ZNF521: variants seen among roughly 807,000 people sequenced by gnomAD.
ZNF521 encodes zinc finger protein 521, also known as LYST-interacting protein 3.
ZNF521 carries 14 observed loss-of-function variants against 105.5 expected under a neutral mutation model. That is an observed-to-expected ratio of 0.13 (90% CI 0.09 to 0.21). ZNF521 has a LOEUF of 0.21. Ranked by LOEUF, ZNF521 falls within the 10% of genes least tolerant of loss-of-function variation. The pLI, the probability that ZNF521 is intolerant of heterozygous loss-of-function variation, is 1.00. For synonymous variants in ZNF521, 635 were observed against 606.0 expected (o/e 1.05, Z -0.70); for missense variants, 1,233 against 1,629.7 (o/e 0.76, Z 4.19).
chr18:25,214,563 T>C (rs2036247855), intron 4 of ZNF521, among the ~76,000 whole-genome samples: 1 of 152,228 alleles, frequency 6.6e-6, no homozygotes, highest in Non-Finnish European at 1.5e-5. Flanking sequence ...TGCATTTAGT[T>C]ATATCTCGAA....
chr18:25,212,482 C>A (rs2036198572), intron 4 of ZNF521, among the ~76,000 whole-genome samples: 1 of 116,882 alleles, frequency 8.6e-6, no homozygotes, highest in Non-Finnish European at 1.6e-5. Flanking sequence ...TTCACTCCAG[C>A]CTGGGCAAAA....
chr18:25,171,250 C>G (rs2035444260), intron 5 of ZNF521, among the ~76,000 whole-genome samples: 1 of 152,160 alleles, frequency 6.6e-6, no homozygotes, highest in South Asian at 2.1e-4. Context: ...GCATCGAAGA[C>G]TTGCTCTCAA....
chr18:25,301,910 G>A (rs1911662463), intron 3 of ZNF521: 1 of 152,172 alleles, frequency 6.6e-6, no homozygotes, highest in Admixed American at 6.5e-5. Flanking sequence ...TTGGGTAACA[G>A]CTTGTGGTGT....
chr18:25,170,907 A>C (rs1436958209), intron 5 of ZNF521, among the ~76,000 whole-genome samples: 1 of 152,134 alleles, frequency 6.6e-6, no homozygotes, highest in Non-Finnish European at 1.5e-5. Flanking sequence ...ATCAGTTGCT[A>C]CCAGTGGATT....
chr18:25,189,345 T>A (rs1273483175), intron 5 of ZNF521, among the ~76,000 whole-genome samples: 1 of 152,230 alleles, frequency 6.6e-6, no homozygotes, highest in Non-Finnish European at 1.5e-5. Context: ...GTGGAGATAA[T>A]TAAACCCTCT....
chr18:25,100,666 T>C (rs1311832650), intron 5 of ZNF521, among the ~76,000 whole-genome samples: 2 of 151,734 alleles, frequency 1.3e-5, no homozygotes, highest in Admixed American at 1.3e-4. Flanking sequence ...CCTTAGAAAC[T>C]TGGCCTTGAA....
At chr18:25,211,064 A>T (rs547285032) in intron 4 of ZNF521, among the ~76,000 whole-genome samples, 2 of 152,210 alleles carry the variant, frequency 1.3e-5, no homozygotes, top group East Asian at 1.9e-4. Context: ...TGAGATATAT[A>T]CCCATTAAAG....
intron 2 of ZNF521, among the ~76,000 whole-genome samples, chr18:25,342,972 T>C (rs1215186903): frequency 4.6e-5 from 7 of 152,214 alleles, no homozygotes. Flanking sequence ...GAAGTCAATA[T>C]AAAGTTTAAA....
chr18:25,067,477 ACT>A (rs1171089031), intron 7 of ZNF521, among the ~76,000 whole-genome samples: 1 of 152,146 alleles, frequency 6.6e-6, no homozygotes, highest in Non-Finnish European at 1.5e-5. Flanking sequence ...TGGGCTTGGC[ACT>A]CTAACAAATG....
intron 5 of ZNF521, among the ~76,000 whole-genome samples, chr18:25,187,892 T>C (rs1052332589): frequency 6.6e-6 from 1 of 152,134 alleles, no homozygotes; most frequent in Admixed American, 6.5e-5. Flanking sequence ...ATTAAGCCAC[T>C]TCCTGTCAAG....
intron 4 of ZNF521, among the ~76,000 whole-genome samples, chr18:25,216,757 G>A (rs9948928): frequency 0.014 from 2,204 of 152,164 alleles, 58 homozygotes; most frequent in African/African-American, 0.047. Flanking sequence ...GGATCTTGCT[G>A]TGTTGGCTAG....
intron 7 of ZNF521, among the ~76,000 whole-genome samples, chr18:25,085,383 C>A (rs1440200770): frequency 6.6e-6 from 1 of 151,808 alleles, no homozygotes; most frequent in Non-Finnish European, 1.5e-5. Flanking sequence ...AAAAGTGTGA[C>A]TTAGATTAAA....
intron 5 of ZNF521, among the ~76,000 whole-genome samples, chr18:25,170,204 A>G (rs2035422462): frequency 6.6e-6 from 1 of 151,954 alleles, no homozygotes; most frequent in Non-Finnish European, 1.5e-5. Flanking sequence ...CACAAAACCA[A>G]CCTTCTGGTT....
At chr18:25,062,904 T>C (rs1362995558) in intron 7 of ZNF521, among the ~76,000 whole-genome samples, 163 bp from the exon 8 acceptor site, 1 of 151,928 alleles carries the variant, frequency 6.6e-6, no homozygotes, top group Admixed American at 6.6e-5. Flanking sequence ...TGATGAATAG[T>C]GCTCATGGGT....
chr18:25,334,202 C>T (rs1049499897), intron 2 of ZNF521, among the ~76,000 whole-genome samples: 1 of 37,388 alleles, frequency 2.7e-5, no homozygotes, highest in South Asian at 5.9e-4. Context: ...TTTAATGCTA[C>T]CATATTTTTC....
At chr18:25,318,804 T>C (rs1429745167) in intron 3 of ZNF521, among the ~76,000 whole-genome samples, 1 of 152,168 alleles carries the variant, frequency 6.6e-6, no homozygotes, top group African/African-American at 2.4e-5. Context: ...GAGTGTATTA[T>C]ATATTATAGT....
At chr18:25,300,155 C>T (rs544175427) in intron 3 of ZNF521, among the ~76,000 whole-genome samples, 7 of 152,278 alleles carry the variant, frequency 4.6e-5, no homozygotes, top group Admixed American at 2.6e-4. Flanking sequence ...GTTAGAAAAG[C>T]GACAACCACA....
chr18:25,062,400 C>T lies in ZNF521; in HGVS notation c.*312G>A, dbSNP rs2032918938. 3.1e-6 allele frequency: 1 copy of T among 327,096 alleles called. No individual in the cohort carries two copies. Among genetic ancestry groups the T allele is most frequent in the Non-Finnish European group, 5.4e-6 (1 of 184,026 alleles). 20.3% of individuals were successfully genotyped at this position (327,096 alleles called of 1,614,324 possible). A position where few individuals can be genotyped will look rare whatever the true frequency, so the allele number is the denominator to read the frequency against. On this transcript the variant is annotated 3_prime_UTR_variant, in exon 8 of 8. Coordinates refer to ENST00000361524, the MANE Select transcript of ZNF521 (RefSeq NM_015461.3). ...TCTTTCTTCCTTAAAAATACTTTAT[C>T]TTAAGCCATTTTGGTCATAGTCTTT...
intron 5 of ZNF521, among the ~76,000 whole-genome samples, chr18:25,156,775 A>G (rs2035152717): frequency 6.6e-6 from 1 of 152,250 alleles, no homozygotes; most frequent in Non-Finnish European, 1.5e-5. Context: ...AATAGCAAAT[A>G]AAGGGAAAAT....
Sources: allele counts gnomAD v4.1 joint callset (sites outside exome capture counted in the v4.1 genomes callset), GRCh38; gene constraint gnomAD v4.1.1; transcripts MANE v1.5; gene names NCBI Gene and HGNC (gene_info 2026-07-23, HGNC 2026-07-21).